PLPPR4: variants seen among roughly 807,000 people sequenced by gnomAD.
The protein encoded by PLPPR4 is phospholipid phosphatase related 4.
In PLPPR4, 24 loss-of-function variants were observed where a neutral mutation model predicts 56.6. The observed-to-expected ratio is 0.42, with a 90% CI of 0.31 to 0.60. The LOEUF is 0.60. Among genes scored for constraint, PLPPR4 ranks in the 20% least tolerant of loss-of-function variants. PLPPR4 has a pLI of 0.13. For synonymous variants in PLPPR4, 326 were observed against 328.1 expected, an observed-to-expected ratio of 0.99 and a Z score of 0.07; for missense variants, 654 against 885.8, an observed-to-expected ratio of 0.74 and a Z score of 3.32.
chr1:99,302,244 A>C (rs1380641551), intron 6 of PLPPR4, among the ~76,000 whole-genome samples: 1 of 152,094 alleles, frequency 6.6e-6, no homozygotes, highest in Non-Finnish European at 1.5e-5. Flanking sequence ...AAATTTAGTT[A>C]AAGGTTATAT....
Position 99,306,912 on chromosome 1 carries a change from G to C in PLPPR4, c.2050G>C (p.Gly684Arg), listed in dbSNP as rs1272272824. Residue 684 changes from glycine to arginine, a missense_variant, in exon 7 of 7, where the codon GGC (glycine) becomes CGC (arginine). By Grantham distance (125) the Gly-to-Arg change is moderately radical. Coordinates refer to ENST00000370185, the MANE Select transcript of PLPPR4 (RefSeq NM_014839.5). This position sits in a 1 kb window ranked among gnomAD's most constrained non-coding sequence, Gnocchi z 4.0. ...SSRDSTLRRK[G>R]NIILIPERSN... ...CCGCGACTCCACCCTGCGGAGAAAG[G>C]GCAATATCATTCTAATCCCTGAAAG... 8 of 1,614,058 alleles carry C rather than the reference G, an allele frequency of 5.0e-6. No homozygotes were observed. The highest frequency in any genetic ancestry group is 6.8e-6 in the Non-Finnish European group (8 of 1,179,998).
At chr1:99,305,524 G>A (rs543652845) in intron 6 of PLPPR4, among the ~76,000 whole-genome samples, 161 bp from the exon 7 acceptor site, 1 of 152,276 alleles carries the variant, frequency 6.6e-6, no homozygotes, top group Non-Finnish European at 1.5e-5. Context: ...AACTTACAAA[G>A]TATTTCCCTG....
intron 1 of PLPPR4, among the ~76,000 whole-genome samples, chr1:99,287,376 G>A (rs1321526027): frequency 6.6e-6 from 1 of 152,088 alleles, no homozygotes; most frequent in African/African-American, 2.4e-5. Flanking sequence ...CTTTATACTA[G>A]AATGATTTCT....
At chr1:99,290,768 C>A (rs922984959) in intron 2 of PLPPR4, among the ~76,000 whole-genome samples, 4 of 152,050 alleles carry the variant, frequency 2.6e-5, no homozygotes, top group African/African-American at 9.7e-5. Context: ...GGACCCCTTC[C>A]TTACACCATA....
At chr1:99,286,915 T>C (rs1387051940) in intron 1 of PLPPR4, among the ~76,000 whole-genome samples, 1 of 152,188 alleles carries the variant, frequency 6.6e-6, no homozygotes, top group Non-Finnish European at 1.5e-5. Flanking sequence ...GTTTGTTTGT[T>C]TTCTTTATTT....
chr1:99,264,755 G>A (rs1658848552), intron 1 of PLPPR4, 84 bp downstream of exon 1: 8 of 1,454,512 alleles, frequency 5.5e-6, no homozygotes, highest in Middle Eastern at 1.8e-4. Context: ...TGTTGGAGGC[G>A]CAGAGATCCT....
intron 1 of PLPPR4, among the ~76,000 whole-genome samples, chr1:99,284,495 G>T (rs1438934999): frequency 6.6e-6 from 1 of 151,924 alleles, no homozygotes; most frequent in African/African-American, 2.4e-5. Context: ...CACCATGATG[G>T]TCTGGCTGGT....
chr1:99,267,721 G>T (rs1658937555), intron 1 of PLPPR4, among the ~76,000 whole-genome samples: 1 of 152,148 alleles, frequency 6.6e-6, no homozygotes, highest in African/African-American at 2.4e-5. Context: ...TAGCTTAAGA[G>T]TTCCCATTGT....
At chr1:99,264,480 G>A (rs1392666516), upstream of PLPPR4, 5 of 1,526,688 alleles carry the variant, frequency 3.3e-6, no homozygotes, top group South Asian at 6.0e-5. Flanking sequence ...CGGTGGCCGC[G>A]GGGAATGTGA....
At chr1:99,289,286 AAG>A (rs1378765134) in intron 2 of PLPPR4, among the ~76,000 whole-genome samples, 1 of 152,126 alleles carries the variant, frequency 6.6e-6, no homozygotes, top group African/African-American at 2.4e-5. Context: ...AGAGTTTAAG[AAG>A]AGTCTCTGCA....
Position 99,307,098 on chromosome 1 carries a change from A to C in PLPPR4, c.*88A>C. 24 of 1,463,246 alleles carry C rather than the reference A, an allele frequency of 1.6e-5. No individual in the cohort carries two copies. Among genetic ancestry groups the C allele is most frequent in the African/African-American group, 2.8e-5 (2 of 71,136 alleles). 90.6% of individuals were successfully genotyped at this position (1,463,246 alleles called of 1,614,324 possible). A position where few individuals can be genotyped will look rare whatever the true frequency, so the allele number is the denominator to read the frequency against. On this transcript the variant is annotated 3_prime_UTR_variant, in exon 7 of 7. Transcript: ENST00000370185. ...CTGTTCCAGCGAATTGGGAAGTCTC[A>C]CCAAGCTAGATTGTCTACCATCAGC... is the stretch of plus-strand genomic sequence containing the variant.
At chr1:99,291,345 A>G (rs1659616031) in intron 2 of PLPPR4, among the ~76,000 whole-genome samples, 1 of 151,980 alleles carries the variant, frequency 6.6e-6, no homozygotes, top group Non-Finnish European at 1.5e-5. Context: ...TGTGGGTTCA[A>G]CCATTGTGAA....
chr1:99,306,379 G>C lies in PLPPR4; in HGVS notation c.1517G>C (p.Arg506Pro). The C allele has an allele frequency of 6.2e-7, 1 of 1,614,156 alleles. No individual in the cohort carries two copies. The highest frequency in any genetic ancestry group is 8.5e-7 in the Non-Finnish European group (1 of 1,180,020). Residue 506 changes from arginine (R) to proline (P), a missense_variant, in exon 7 of 7, where the codon CGG (arginine) becomes CCG (proline). Around this residue, in one of 2 missense-constraint regions of PLPPR4, gnomAD observed 468 missense variants for 554.3 expected, o/e 0.84. Coordinates refer to ENST00000370185, the MANE Select transcript of PLPPR4 (RefSeq NM_014839.5). The surrounding 1 kb of genome is among the most constrained non-coding windows in gnomAD (Gnocchi z 4.0). ...ACCTCCCCCAAAAGCAGCTCTGCTC[G>C]GGCCAAGTGGTTAAAAGCTGCTGAA... ...ISTSPKSSSA[R>P]AKWLKAAEKT...
At chr1:99,301,347 T>G (rs939722043) in intron 5 of PLPPR4, among the ~76,000 whole-genome samples, 2 of 151,790 alleles carry the variant, frequency 1.3e-5, no homozygotes, top group East Asian at 3.9e-4. Flanking sequence ...TCTGTAACAA[T>G]AAGTTTTAGG....
At chr1:99,273,224 C>A (rs1659101914) in intron 1 of PLPPR4, among the ~76,000 whole-genome samples, 1 of 151,998 alleles carries the variant, frequency 6.6e-6, no homozygotes, top group Admixed American at 6.6e-5. Context: ...GGCTGTCAAG[C>A]AACATAGAGG....
Position 99,265,148 on chromosome 1 carries a change from C to T in PLPPR4, c.78+477C>T, listed in dbSNP as rs1044696362. Reference sequence around the variant, plus strand: ...TTAATTGCTTTTATTGCTCCTGCCCCCCCCCCCCAAATCCTTCTCCTATTA... The same window carrying T: ...TTAATTGCTTTTATTGCTCCTGCCCTCCCCCCCCAAATCCTTCTCCTATTA... On this transcript the variant is annotated intron_variant, in intron 1 of 6. Coordinates refer to ENST00000370185, the MANE Select transcript of PLPPR4 (RefSeq NM_014839.5). Among the ~76,000 whole-genome samples the T allele has an allele frequency of 4.4e-4, 47 of 107,126 alleles. 1 individual carries two copies. Among genetic ancestry groups the T allele is most frequent in the Non-Finnish European group, 6.4e-4 (35 of 55,018 alleles). The allele number at this position is 107,126 out of a possible 152,430, so 70.3% of individuals were successfully genotyped here.
chr1:99,293,831 G>C (rs1187334308), intron 2 of PLPPR4, among the ~76,000 whole-genome samples: 1 of 152,090 alleles, frequency 6.6e-6, no homozygotes, highest in South Asian at 2.1e-4. Flanking sequence ...TATGATGACT[G>C]TTCCATGGCT....
Position 99,307,878 on chromosome 1 carries a change from TC to T in PLPPR4, c.*869del, listed in dbSNP as rs1428139813. ...AAATTGTTGTGATCATATTTTGCTT[TC>T]TATGGCTTCTCCTTAACTTATTGAT... On this transcript the variant is annotated 3_prime_UTR_variant, in exon 7 of 7. Transcript: ENST00000370185. 8 of 152,234 alleles carry T rather than the reference TC, an allele frequency of 5.3e-5. No homozygotes were observed. The highest frequency in any genetic ancestry group is 1.9e-4 in the African/African-American group (8 of 41,468). 9.4% of individuals were successfully genotyped at this position (152,234 alleles called of 1,614,324 possible).
chr1:99,285,016 G>T (rs1659427485), intron 1 of PLPPR4, among the ~76,000 whole-genome samples: 1 of 151,980 alleles, frequency 6.6e-6, no homozygotes, highest in Admixed American at 6.6e-5. Context: ...ACTCTCAAAA[G>T]GTATTATCAA....
Sources: gnomAD v4.1 joint callset for allele counts (sites outside exome capture counted in the v4.1 genomes callset) on GRCh38, gnomAD v4.1.1 for gene constraint, gnomAD v4.1.1 regional missense constraint, Gnocchi (gnomAD v3.1) non-coding constraint, MANE v1.5 for transcripts, NCBI Gene and HGNC (gene_info 2026-07-23, HGNC 2026-07-21) for gene names.